The following HMCN1 variants were observed in gnomAD, a reference collection of about 807,000 sequenced individuals.
The protein encoded by HMCN1 is hemicentin-1.
Under a neutral mutation model 625.9 loss-of-function variants are expected in HMCN1, and 321 were observed. The ratio of observed to expected loss-of-function variants is 0.51; its 90% CI spans 0.47 to 0.56. The LOEUF is 0.56. Ranked by LOEUF, HMCN1 falls within the 20% of genes least tolerant of loss-of-function variation. HMCN1 has a pLI of 0.00. For missense variants in HMCN1, 6,588 were observed against 6,887.3 expected (o/e 0.96, Z 1.54); for synonymous variants, 2,425 against 2,417.6 (o/e 1.00, Z -0.09).
intron 16 of HMCN1, among the ~76,000 whole-genome samples, chr1:185,978,306 A>C (rs1651371772): frequency 6.6e-6 from 1 of 152,156 alleles, no homozygotes; most frequent in Non-Finnish European, 1.5e-5. Context: ...GATTCTTGTA[A>C]CAATTGTTGT....
At chr1:186,000,542 GGTGTGTGTGTGT>G (rs1170943049) in intron 26 of HMCN1, among the ~76,000 whole-genome samples, 2 of 127,152 alleles carry the variant, frequency 1.6e-5, no homozygotes, top group Admixed American at 1.6e-4. Flanking sequence ...CAGCGTGTAG[GGTGTGTGTGTGT>G]GTGTATGTGT....
intron 13 of HMCN1, among the ~76,000 whole-genome samples, chr1:185,965,054 G>T (rs938586830): frequency 4.6e-5 from 7 of 151,944 alleles, no homozygotes; most frequent in African/African-American, 9.7e-5. Flanking sequence ...TACATGATCT[G>T]TGAGAAGTTA....
At chr1:186,103,715 TC>T in intron 69 of HMCN1, 47 bp downstream of exon 69, 1 of 1,479,324 alleles carries the variant, frequency 6.8e-7, no homozygotes, top group Non-Finnish European at 9.4e-7. Flanking sequence ...GTCAAACTTC[TC>T]ACTTGCTAAT....
At chr1:186,157,867 T>C (rs368816346) in intron 97 of HMCN1, among the ~76,000 whole-genome samples, 8,022 of 152,196 alleles carry the variant, frequency 0.053, 243 homozygotes, top group South Asian at 0.087. Flanking sequence ...TGGTTCCAAG[T>C]CTTTGCTATT....
chr1:185,779,027 T>A (rs899793683), intron 1 of HMCN1, among the ~76,000 whole-genome samples: 11 of 152,246 alleles, frequency 7.2e-5, no homozygotes, highest in Non-Finnish European at 1.6e-4. Context: ...GACTTTTTAA[T>A]GACTGCCATT....
intron 89 of HMCN1, among the ~76,000 whole-genome samples, chr1:186,139,680 G>A (rs1290111006): frequency 6.6e-6 from 1 of 150,932 alleles, no homozygotes; most frequent in Non-Finnish European, 1.5e-5. Context: ...TGAGCATAAT[G>A]TCGGTGGTGT....
intron 62 of HMCN1, 25 bp downstream of exon 62, chr1:186,088,301 T>A (rs760526473): frequency 2.5e-6 from 4 of 1,611,936 alleles, no homozygotes; most frequent in Non-Finnish European, 3.4e-6. Context: ...CATTTTTGTG[T>A]GTGTGTGTGT....
At chr1:185,775,927 G>A (rs1656572999) in intron 1 of HMCN1, among the ~76,000 whole-genome samples, 1 of 152,142 alleles carries the variant, frequency 6.6e-6, no homozygotes, top group Admixed American at 6.6e-5. Context: ...TGTACCCTAT[G>A]GTAATTGACA....
chr1:186,177,318 AAAG>A (rs1558284155), intron 103 of HMCN1: 2 of 151,648 alleles, frequency 1.3e-5, no homozygotes, highest in African/African-American at 4.8e-5. Flanking sequence ...AAAAAAAAAA[AAAG>A]AGAGAGCAGC....
At chr1:186,149,271 A>G (rs1650528006) in intron 93 of HMCN1, among the ~76,000 whole-genome samples, 1 of 152,210 alleles carries the variant, frequency 6.6e-6, no homozygotes, top group Non-Finnish European at 1.5e-5. Flanking sequence ...TACATTGAAA[A>G]TCTGTTGTTT....
chr1:185,928,006 A>G (rs1046281207), intron 9 of HMCN1, among the ~76,000 whole-genome samples: 1 of 152,144 alleles, frequency 6.6e-6, no homozygotes, highest in Non-Finnish European at 1.5e-5. Context: ...GTTTAACTAT[A>G]AAACTGATCA....
In HMCN1 at chr1:186,103,593, T is replaced by C; in HGVS notation, c.10695T>C (p.Asp3565=). 2 of 1,613,958 alleles carry C rather than the reference T, an allele frequency of 1.2e-6. No homozygotes were observed. Among genetic ancestry groups the C allele is most frequent in the Non-Finnish European group, 1.7e-6 (2 of 1,179,878 alleles). ...IPAPKMTWMK[D]GRPLPQTDQV... is the part of the protein sequence containing the mutation. ...CCCCTAAAATGACCTGGATGAAAGATGGCCGGCCCCTTCCACAGACGGATC... is the reference window on the plus strand; with the variant it reads ...CCCCTAAAATGACCTGGATGAAAGACGGCCGGCCCCTTCCACAGACGGATC... Residue 3565 remains aspartate, a synonymous_variant, in exon 69 of 107, where the codon GAT becomes GAC. Coordinates refer to ENST00000271588, the MANE Select transcript of HMCN1 (RefSeq NM_031935.3).
chr1:185,896,994 T>C (rs1457573920), intron 4 of HMCN1, among the ~76,000 whole-genome samples: 2 of 152,184 alleles, frequency 1.3e-5, no homozygotes, highest in African/African-American at 4.8e-5. Flanking sequence ...TGATGCCTCT[T>C]GAACCAACTT....
At position 185,952,288 on chromosome 1, in the gene HMCN1, A is replaced by G. The variant is rs957274625; in HGVS notation, c.1829-10230A>G. On this transcript the variant is annotated intron_variant, in intron 11 of 106. Transcript: ENST00000271588. ...GGTGTGAGGAGGGGAGGTGATAAAA[A>G]GATTATAGGGTGGAGGAGCAGAGGC... 5.0e-4 allele frequency among the ~76,000 whole-genome samples: 76 copies of G among 151,452 alleles called. 1 individual carries two copies. The highest frequency in any genetic ancestry group is 7.1e-4 in the Non-Finnish European group (48 of 67,948).
At position 186,102,831 on chromosome 1, in the gene HMCN1, G is replaced by C. The variant is rs148991702; in HGVS notation, c.10574-641G>C. Among the ~76,000 whole-genome samples the C allele has an allele frequency of 2.7e-3, 415 of 152,248 alleles. 5 individuals carry two copies. Among genetic ancestry groups the C allele is most frequent in the African/African-American group, 9.6e-3 (401 of 41,556 alleles). On this transcript the variant is annotated intron_variant, in intron 68 of 106. Coordinates refer to ENST00000271588, the MANE Select transcript of HMCN1 (RefSeq NM_031935.3). ...AAAGGAATTACCAAAGTTGGGAGTA[G>C]TTAGACTAAAGAACCTTAAATGTTT...
intron 36 of HMCN1, among the ~76,000 whole-genome samples, chr1:186,030,765 C>T (rs1655378818): frequency 6.6e-6 from 1 of 151,592 alleles, no homozygotes; most frequent in Non-Finnish European, 1.5e-5. Context: ...TTTTCTCTTT[C>T]TCCATTGCTA....
chr1:185,900,472 T>C (rs984482985), intron 4 of HMCN1, among the ~76,000 whole-genome samples: 18 of 151,932 alleles, frequency 1.2e-4, no homozygotes, highest in African/African-American at 4.1e-4. Flanking sequence ...TGCCAGATTT[T>C]AAAAGCCATA....
chr1:185,961,583 AG>A (rs1650027507), intron 11 of HMCN1, among the ~76,000 whole-genome samples: 2 of 152,368 alleles, frequency 1.3e-5, no homozygotes, highest in South Asian at 2.1e-4. Flanking sequence ...TATTTACATT[AG>A]GAGCTACTTA....
At position 185,933,800 on chromosome 1, in the gene HMCN1, G is replaced by T. The variant is rs763721030; in HGVS notation, c.1804G>T (p.Ala602Ser). The T allele has an allele frequency of 6.2e-7, 1 of 1,613,772 alleles. No homozygotes were observed. The highest frequency in any genetic ancestry group is 2.2e-5 in the East Asian group (1 of 44,884). Residue 602 changes from alanine to serine, a missense_variant, in exon 11 of 107, where the codon GCT (alanine) becomes TCT (serine). Physicochemically the swap from Ala to Ser is moderately conservative, Grantham distance 99. Coordinates refer to ENST00000271588, the MANE Select transcript of HMCN1 (RefSeq NM_031935.3). Reference protein sequence around the residue: ...MVSSEGGSSAASVFLTVQEPP... With the variant: ...MVSSEGGSSASSVFLTVQEPP... ...TTCTAGTGAAGGTGGATCATCAGCC[G>T]CTTCAGTTTTCCTCACAGTGCAAGG... is the stretch of plus-strand genomic sequence containing the variant.
Sources: allele counts gnomAD v4.1 joint callset (sites outside exome capture counted in the v4.1 genomes callset), GRCh38; gene constraint gnomAD v4.1.1; transcripts MANE v1.5; gene names NCBI Gene and HGNC (gene_info 2026-07-23, HGNC 2026-07-21).